Variants in DPF3 observed in about 807,000 individuals in gnomAD.
DPF3 encodes the protein double PHD fingers 3.
A neutral mutation model predicts 56.8 loss-of-function variants in DPF3; 18 were observed. That is an observed-to-expected ratio of 0.32 (90% CI 0.22 to 0.47). The LOEUF is 0.47. Ranked by LOEUF, DPF3 falls within the 20% of genes least tolerant of loss-of-function variation. The pLI, the probability that DPF3 is intolerant of heterozygous loss-of-function variation, is 1.00. For synonymous variants in DPF3, 188 were observed against 180.2 expected, an observed-to-expected ratio of 1.04 and a Z score of -0.35; for missense variants, 403 against 488.8, an observed-to-expected ratio of 0.82 and a Z score of 1.65.
chr14:72,762,161 T>G lies in DPF3; in HGVS notation c.194-8790A>C, dbSNP rs181560317. 7.9e-3 allele frequency among the ~76,000 whole-genome samples: 1,192 copies of G among 151,842 alleles called. 9 individuals are homozygous for G. Among genetic ancestry groups the G allele is most frequent in the Non-Finnish European group, 0.011 (743 of 67,710 alleles). On this transcript the variant is annotated intron_variant, in intron 2 of 10. Transcript: ENST00000556509. ...AATTCTATATAAAGTTTCAGAAAAGTAAAAATGAAGAAATACTTCCCAACT... is the reference window on the plus strand; with the variant it reads ...AATTCTATATAAAGTTTCAGAAAAGGAAAAATGAAGAAATACTTCCCAACT...
rs532886559 is a variant in DPF3, at chr14:72,661,993, AG to A, written c.871+12246del. Reference sequence around the variant, plus strand: ...GACCTCATCAGACATGATAACTAGGAGGCAGGCTGCTTCTGACATTCAGATA... The same window carrying A: ...GACCTCATCAGACATGATAACTAGGAGCAGGCTGCTTCTGACATTCAGATA... On this transcript the variant is annotated intron_variant, in intron 8 of 10. Transcript: ENST00000556509. 3.4e-4 allele frequency: 336 copies of A among 984,614 alleles called. 1 individual carries two copies. The African/African-American group carries it at 5.5e-3, about 16-fold the overall frequency. The allele number at this position is 984,614 out of a possible 1,614,324, so 61.0% of individuals were successfully genotyped here. A position where few individuals can be genotyped will look rare whatever the true frequency, so the allele number is the denominator to read the frequency against.
intron 1 of DPF3, among the ~76,000 whole-genome samples, chr14:72,804,868 C>G (rs536732407): frequency 9.4e-4 from 143 of 152,280 alleles, no homozygotes; most frequent in African/African-American, 3.2e-3. Context: ...ATCAGAATAT[C>G]TGAATTCTTA....
At chr14:72,789,654 C>T (rs549866171) in intron 1 of DPF3, among the ~76,000 whole-genome samples, 15 of 152,158 alleles carry the variant, frequency 9.9e-5, no homozygotes, top group Non-Finnish European at 8.8e-5. Flanking sequence ...TTAGCTACCC[C>T]AGTAGCTAGG....
rs1166037214 is a variant in DPF3, at chr14:72,612,566, C to T, written c.*6731G>A. On this transcript the variant is annotated 3_prime_UTR_variant, in exon 11 of 11. Coordinates refer to ENST00000556509, the MANE Select transcript of DPF3 (RefSeq NM_001280542.3). The stretch of plus-strand genomic sequence containing the variant: ...CCACCCCACTCCTTAGCATCTATCA[C>T]GGCAGAGGGAAGGGAGGAAACAGTG... The T allele has an allele frequency of 1.2e-5, 6 of 485,854 alleles. No individual in the cohort carries two copies. Among genetic ancestry groups the T allele is most frequent in the African/African-American group, 8.1e-5 (3 of 37,006 alleles). 30.1% of individuals were successfully genotyped at this position (485,854 alleles called of 1,614,324 possible).
At chr14:72,714,307 G>C in intron 6 of DPF3, 116 bp downstream of exon 6, 1 of 1,300,912 alleles carries the variant, frequency 7.7e-7, no homozygotes, top group Non-Finnish European at 1.1e-6. Context: ...TGCAGACAGA[G>C]GAAGAGGAGA....
chr14:72,753,326 C>A lies in DPF3; in HGVS notation c.239G>T (p.Arg80Leu), dbSNP rs530932479. 2.5e-6 allele frequency: 4 copies of A among 1,613,294 alleles called. No homozygotes were observed. The highest frequency in any genetic ancestry group is 3.4e-6 in the Non-Finnish European group (4 of 1,179,832). The change falls in exon 3 of 11, where the codon CGC becomes CTC. Residue 80 changes from arginine (R) to leucine (L), a missense_variant. Coordinates refer to ENST00000556509, the MANE Select transcript of DPF3 (RefSeq NM_001280542.3). ...AGGTGGGTGCAATCGTCTCTTCTTG[C>A]GCCAGCAGCGGGCAGGGTATGTATA... ...QLYTYPARCW[R>L]KKRRLHPPED...
intron 1 of DPF3, among the ~76,000 whole-genome samples, chr14:72,813,771 T>TA (rs1266705593): frequency 6.6e-6 from 1 of 152,170 alleles, no homozygotes; most frequent in Non-Finnish European, 1.5e-5. Flanking sequence ...AAGCTGCTCT[T>TA]ACAGAGTTGG....
intron 1 of DPF3, among the ~76,000 whole-genome samples, chr14:72,890,501 G>GATGATAATAATAATAATA (rs147775004): frequency 8.9e-5 from 13 of 146,492 alleles, no homozygotes; most frequent in Admixed American, 6.9e-4. Flanking sequence ...AAAAAATAAT[G>GATGATAATAATAATAATA]ATAATAATAA....
chr14:72,819,123 A>G (rs1174784273), intron 1 of DPF3, among the ~76,000 whole-genome samples: 2 of 152,210 alleles, frequency 1.3e-5, no homozygotes, highest in African/African-American at 4.8e-5. Context: ...TCATTAGGGA[A>G]ATGCCCACTA....
At chr14:72,775,762 T>C (rs8008338) in intron 1 of DPF3, among the ~76,000 whole-genome samples, 7,657 of 152,122 alleles carry the variant, frequency 0.05, 634 homozygotes, top group African/African-American at 0.17. Flanking sequence ...TTGGCAGAGA[T>C]TCGGAACCAA....
intron 1 of DPF3, among the ~76,000 whole-genome samples, chr14:72,789,491 C>T (rs573428269): frequency 8.5e-5 from 13 of 152,246 alleles, no homozygotes; most frequent in South Asian, 2.1e-4. Context: ...TGTATCTATC[C>T]GCTTATTTAA....
intron 1 of DPF3, among the ~76,000 whole-genome samples, chr14:72,854,774 C>T (rs1885114447): frequency 6.6e-6 from 1 of 152,226 alleles, no homozygotes; most frequent in East Asian, 1.9e-4. Context: ...AAATCAAAAC[C>T]CTCTAACAGT....
chr14:72,732,573 C>T (rs1187112765), intron 3 of DPF3, among the ~76,000 whole-genome samples: 1 of 152,212 alleles, frequency 6.6e-6, no homozygotes, highest in African/African-American at 2.4e-5. Flanking sequence ...GCGAATGCCT[C>T]ACAAGCCCCG....
At chr14:72,827,138 A>G (rs1265349047) in intron 1 of DPF3, among the ~76,000 whole-genome samples, 1 of 151,550 alleles carries the variant, frequency 6.6e-6, no homozygotes, top group African/African-American at 2.4e-5. Flanking sequence ...TTCTTTTTCC[A>G]TTTCTTCTTT....
intron 3 of DPF3, among the ~76,000 whole-genome samples, chr14:72,750,514 T>C (rs1672204314): frequency 6.6e-6 from 1 of 152,180 alleles, no homozygotes; most frequent in African/African-American, 2.4e-5. Flanking sequence ...TCCTCATATA[T>C]ACATGCAAAA....
chr14:72,840,502 C>T (rs1236286828), intron 1 of DPF3, among the ~76,000 whole-genome samples: 1 of 152,148 alleles, frequency 6.6e-6, no homozygotes, highest in African/African-American at 2.4e-5. Context: ...TGTATCCTTC[C>T]ACAATTCTCC....
intron 7 of DPF3, 127 bp downstream of exon 7, chr14:72,692,949 C>A: frequency 6.7e-7 from 1 of 1,497,596 alleles, no homozygotes; most frequent in Admixed American, 1.9e-5. Flanking sequence ...CAACACACTA[C>A]AGCACATTGA....
At chr14:72,810,521 G>A (rs1309317630) in intron 1 of DPF3, among the ~76,000 whole-genome samples, 1 of 152,136 alleles carries the variant, frequency 6.6e-6, no homozygotes, top group African/African-American at 2.4e-5. Context: ...GAAAAAGAAG[G>A]GGGTGAAGAG....
At chr14:72,803,293 A>G (rs879553489) in intron 1 of DPF3, among the ~76,000 whole-genome samples, 4 of 152,224 alleles carry the variant, frequency 2.6e-5, no homozygotes, top group Admixed American at 1.3e-4. Context: ...GCATGGAGGT[A>G]GTCATCCCAT....
Sources: allele counts gnomAD v4.1 joint callset (sites outside exome capture counted in the v4.1 genomes callset), GRCh38; gene constraint gnomAD v4.1.1; transcripts MANE v1.5; gene names NCBI Gene and HGNC (gene_info 2026-07-23, HGNC 2026-07-21).